The following PELP1 variants were observed in gnomAD, a reference collection of about 807,000 sequenced individuals.
PELP1 encodes the protein proline-, glutamic acid- and leucine-rich protein 1.
A neutral mutation model predicts 95.5 loss-of-function variants in PELP1; 32 were observed. The ratio of observed to expected loss-of-function variants is 0.34; its 90% CI spans 0.25 to 0.45. The LOEUF (loss-of-function observed/expected upper bound fraction) is 0.45, where lower values mean the gene tolerates loss of function less well. Ranked by LOEUF, PELP1 falls within the 20% of genes least tolerant of loss-of-function variation. The pLI is 1.00. For missense variants in PELP1, 1,358 were observed against 1,444.8 expected (o/e 0.94, Z 0.97); for synonymous variants, 668 against 600.1 (o/e 1.11, Z -1.65).
chr17:4,699,099 A>T (rs1159892908), intron 1 of PELP1, among the ~76,000 whole-genome samples: 1 of 152,198 alleles, frequency 6.6e-6, no homozygotes, highest in African/African-American at 2.4e-5. Context: ...TGAAGAATCC[A>T]GCCAGGTGCG....
At chr17:4,687,315 T>G (rs991737210) in intron 3 of PELP1, among the ~76,000 whole-genome samples, 1 of 152,152 alleles carries the variant, frequency 6.6e-6, no homozygotes, top group Admixed American at 6.5e-5. Context: ...GAGGCCAAGG[T>G]GGGCAGATCA....
In PELP1 at chr17:4,682,249, A is replaced by G. The variant is rs1912716831; in HGVS notation, c.642+253T>C. Among the ~76,000 whole-genome samples, 3 of 152,232 alleles carry G rather than the reference A, an allele frequency of 2.0e-5. 1 individual carries two copies. Among genetic ancestry groups the G allele is most frequent in the Admixed American group, 2.0e-4 (3 of 15,280 alleles). On this transcript the variant is annotated intron_variant, in intron 5 of 16. Coordinates refer to ENST00000572293, the MANE Select transcript of PELP1 (RefSeq NM_014389.3). ...AGAAAAAGGAAGGAGCCCATGGTTC[A>G]GAGTCTGGCTTAGGCATCAAACAGA... is the stretch of plus-strand genomic sequence containing the variant.
At chr17:4,690,004 C>A (rs765573005) in intron 3 of PELP1, among the ~76,000 whole-genome samples, 1 of 151,466 alleles carries the variant, frequency 6.6e-6, no homozygotes, top group Non-Finnish European at 1.5e-5. Context: ...CCAGCCTGGG[C>A]GACAGAGCAA....
rs1281521007 is a variant in PELP1, at chr17:4,671,193, T to C, written c.*246A>G. 1.8e-6 allele frequency: 1 copy of C among 549,926 alleles called. No individual in the cohort carries two copies. Among genetic ancestry groups the C allele is most frequent in the Non-Finnish European group, 3.2e-6 (1 of 308,674 alleles). The allele number at this position is 549,926 out of a possible 1,614,324, so 34.1% of individuals were successfully genotyped here. On this transcript the variant is annotated 3_prime_UTR_variant, in exon 17 of 17. Transcript: ENST00000572293. Reference sequence around the variant, plus strand: ...CACGTTTAGCATCCAGCCAGAATCCTACAATTCTGACACCATCGTGCTGAG... The same window carrying C: ...CACGTTTAGCATCCAGCCAGAATCCCACAATTCTGACACCATCGTGCTGAG...
In PELP1 at chr17:4,671,792, C is replaced by T. The variant is rs538955839; in HGVS notation, c.3199G>A (p.Glu1067Lys). ...TTGTCACTCCCATCCTCAGTCTCCT[C>T]TTCCAACAGGGTTGGGGGAGCAGAG... ...EPSAPPTLLEEETEDGSDKVQ... is the reference protein window; with the variant it reads ...EPSAPPTLLEKETEDGSDKVQ... The change falls in exon 16 of 17, where the codon GAG (glutamate) becomes AAG (lysine). Residue 1067 changes from glutamate to lysine, a missense_variant. By Grantham distance (56) the Glu-to-Lys change is moderately conservative (BLOSUM62 1). Around this residue, in one of 7 missense-constraint regions of PELP1, gnomAD observed 283 missense variants for 284.1 expected, o/e 1.00. Transcript: ENST00000572293. The T allele has an allele frequency of 1.1e-5, 17 of 1,517,112 alleles. No homozygotes were observed. In the East Asian group the frequency reaches 3.4e-4, roughly 31 times the overall value. 94.0% of individuals were successfully genotyped at this position (1,517,112 alleles called of 1,614,324 possible). A position where few individuals can be genotyped will look rare whatever the true frequency, so the allele number is the denominator to read the frequency against.
chr17:4,702,298 G>A (rs1341943304), intron 1 of PELP1, among the ~76,000 whole-genome samples: 1 of 152,052 alleles, frequency 6.6e-6, no homozygotes, highest in African/African-American at 2.4e-5. Flanking sequence ...GCATGCCTGT[G>A]GTCCCAGCTA....
intron 6 of PELP1, 28 bp from the exon 7 acceptor site, chr17:4,676,535 C>T (rs1303596012): frequency 6.2e-7 from 1 of 1,611,678 alleles, no homozygotes; most frequent in East Asian, 2.2e-5. Context: ...GAAACCTGGT[C>T]AGATGGGAAT....
rs73332476 is a variant in PELP1 at position 4,677,034 on chromosome 17, C to T, written c.643-222G>A. On this transcript the variant is annotated intron_variant, in intron 5 of 16. Transcript: ENST00000572293. ...TGGTCCTCGGCTTCCTGCTTGGGAGCGAAAAGGGCCTGGCCCTGTCCCAGA... is the reference window on the plus strand; with the variant it reads ...TGGTCCTCGGCTTCCTGCTTGGGAGTGAAAAGGGCCTGGCCCTGTCCCAGA... Among the ~76,000 whole-genome samples the T allele has an allele frequency of 6.5e-3, 992 of 152,216 alleles. 7 individuals carry two copies. The highest frequency in any genetic ancestry group is 0.022 in the African/African-American group (933 of 41,522).
intron 3 of PELP1, 108 bp downstream of exon 3, chr17:4,690,780 T>A (rs532874757): frequency 1.4e-6 from 1 of 702,554 alleles, no homozygotes; most frequent in African/African-American, 1.8e-5. Context: ...TGTTTCCAAT[T>A]ATTCTGTCCC....
In PELP1 at chr17:4,675,996, C is replaced by A. The variant is rs375513385; in HGVS notation, c.980+40G>T. ...AGGCGACACTCCCTCATCAATCCCT[C>A]CTGCTCCACGCCTCCGCTCCCTCCA... is the stretch of plus-strand genomic sequence containing the variant. On this transcript the variant is annotated intron_variant, in intron 8 of 16. Transcript: ENST00000572293. The surrounding 1 kb of genome is among the most constrained non-coding windows in gnomAD (Gnocchi z 4.3). 50 of 1,611,376 alleles carry A rather than the reference C, an allele frequency of 3.1e-5. No individual in the cohort carries two copies. The highest frequency in any genetic ancestry group is 3.9e-5 in the Non-Finnish European group (46 of 1,178,488).
At chr17:4,685,249 A>G (rs903945597) in intron 3 of PELP1, among the ~76,000 whole-genome samples, 1 of 152,046 alleles carries the variant, frequency 6.6e-6, no homozygotes, top group African/African-American at 2.4e-5. Context: ...GTCCCACCTC[A>G]GGAGGCACAC....
chr17:4,682,426 G>C (rs1277967072), intron 5 of PELP1, 76 bp downstream of exon 5: 1 of 938,050 alleles, frequency 1.1e-6, no homozygotes, highest in African/African-American at 1.6e-5. Context: ...AGGTGCTTAG[G>C]AATCTCAGGA....
Position 4,671,550 on chromosome 17 carries a change from C to A in PELP1, c.3301-19G>T, listed in dbSNP as rs1912201262. 1 of 1,613,120 alleles carries A rather than the reference C, an allele frequency of 6.2e-7. No individual in the cohort carries two copies. The highest frequency in any genetic ancestry group is 1.7e-5 in the Admixed American group (1 of 59,866). ...CCTGCTCCTTTTAGGCACAAAGATACAAGATTCAGAATAGTCACACACACA... is the reference window on the plus strand; with the variant it reads ...CCTGCTCCTTTTAGGCACAAAGATAAAAGATTCAGAATAGTCACACACACA... On this transcript the variant is annotated intron_variant, in intron 16 of 16. Coordinates refer to ENST00000572293, the MANE Select transcript of PELP1 (RefSeq NM_014389.3).
chr17:4,702,262 T>C (rs779024277), intron 1 of PELP1, among the ~76,000 whole-genome samples: 29 of 151,916 alleles, frequency 1.9e-4, no homozygotes, highest in African/African-American at 5.8e-4. Context: ...CTACCAAAAA[T>C]ACAAAAATTA....
chr17:4,681,820 A>T (rs1407883489), intron 5 of PELP1, among the ~76,000 whole-genome samples: 2 of 151,520 alleles, frequency 1.3e-5, no homozygotes, highest in Non-Finnish European at 2.9e-5. Context: ...ATAAAATAAG[A>T]TATGATGTGA....
At position 4,673,593 on chromosome 17, in the gene PELP1, C is replaced by A; in HGVS notation, c.1638+26G>T. On this transcript the variant is annotated intron_variant, in intron 14 of 16. Coordinates refer to ENST00000572293, the MANE Select transcript of PELP1 (RefSeq NM_014389.3). The surrounding 1 kb of genome is among the most constrained non-coding windows in gnomAD (Gnocchi z 5.7). ...ACAGAGCAGGGGCCCCTTCCCCTAT[C>A]TCCACGGAGACGAGGCTCCACTAAC... is the stretch of plus-strand genomic sequence containing the variant. 6.2e-7 allele frequency: 1 copy of A among 1,611,292 alleles called. No individual in the cohort carries two copies. The highest frequency in any genetic ancestry group is 8.5e-7 in the Non-Finnish European group (1 of 1,177,414).
At chr17:4,683,167 G>A in intron 3 of PELP1, 1 of 957,176 alleles carries the variant, frequency 1.0e-6, no homozygotes, top group Admixed American at 4.2e-5. Context: ...TTGTGTGGGG[G>A]AAAAAAAGAG....
chr17:4,701,951 T>C lies in PELP1; in HGVS notation c.249+1912A>G, dbSNP rs1913556144. 2.0e-5 allele frequency among the ~76,000 whole-genome samples: 3 copies of C among 152,160 alleles called. No homozygotes were observed. In the South Asian group the frequency reaches 6.2e-4, roughly 32 times the overall value. On this transcript the variant is annotated intron_variant, in intron 1 of 16. Coordinates refer to ENST00000572293, the MANE Select transcript of PELP1 (RefSeq NM_014389.3). ...GGGCGGCCCTAGTTTCCCACATCAC[T>C]CTTAGCTTCTTTACTCAAAATTCTA... is the stretch of plus-strand genomic sequence containing the variant.
rs1176963839 is a variant in PELP1, at chr17:4,676,742, C to T, written c.702+11G>A. ...ATCCCCGGGCTCTCCCTCTCCCTCC[C>T]TGCCCTTTACCTGTTGGAGCTGAGG... On this transcript the variant is annotated intron_variant, in intron 6 of 16. Transcript: ENST00000572293. 3 of 1,563,880 alleles carry T rather than the reference C, an allele frequency of 1.9e-6. No homozygotes were observed. The Admixed American group carries it at 5.7e-5, about 30-fold the overall frequency.
Sources: gnomAD v4.1 joint callset for allele counts (sites outside exome capture counted in the v4.1 genomes callset) on GRCh38, gnomAD v4.1.1 for gene constraint, gnomAD v4.1.1 regional missense constraint, Gnocchi (gnomAD v3.1) non-coding constraint, MANE v1.5 for transcripts, NCBI Gene and HGNC (gene_info 2026-07-23, HGNC 2026-07-21) for gene names.